IL1RAPL2: variants seen among roughly 807,000 people sequenced by gnomAD.
IL1RAPL2 encodes X-linked interleukin-1 receptor accessory protein-like 2.
A neutral mutation model predicts 44.1 loss-of-function variants in IL1RAPL2; 3 were observed. The observed-to-expected ratio is 0.07, with a 90% CI of 0.03 to 0.18. IL1RAPL2 has a LOEUF of 0.18. IL1RAPL2 is among the 10% of genes least tolerant of loss of function. IL1RAPL2 has a pLI of 1.00. For synonymous variants in IL1RAPL2, 181 were observed against 178.8 expected (o/e 1.01, Z -0.10); for missense variants, 391 against 496.4 (o/e 0.79, Z 2.02).
At chrX:105,416,955 T>C (rs1169833854) in intron 5 of IL1RAPL2, among the ~76,000 whole-genome samples, 1 of 112,434 alleles carries the variant, frequency 8.9e-6, no homozygotes, top group African/African-American at 3.2e-5. Context: ...TTTCATACTT[T>C]GTTCTTGTCC....
chrX:104,717,105 T>C lies in IL1RAPL2; in HGVS notation c.82+58110T>C, dbSNP rs188202508. Among the ~76,000 whole-genome samples, 115 of 111,691 alleles carry C rather than the reference T, an allele frequency of 1.0e-3. 3 individuals are homozygous for C. In the Admixed American group the frequency reaches 0.011, roughly 10 times the overall value. On this transcript the variant is annotated intron_variant, in intron 2 of 10. Coordinates refer to ENST00000372582, the MANE Select transcript of IL1RAPL2 (RefSeq NM_017416.2). ...TATGCAGCCATAAAAAACAAGATCA[T>C]TTCCTTTGCAGGGGCATGGATGCAG...
intron 5 of IL1RAPL2, among the ~76,000 whole-genome samples, chrX:105,416,383 C>T (rs908357474): frequency 2.7e-5 from 3 of 111,803 alleles, no homozygotes; most frequent in Non-Finnish European, 5.6e-5. Context: ...GTCTAATCAT[C>T]GCATCTCCAA....
chrX:104,855,635 G>C (rs1470082144), intron 2 of IL1RAPL2, among the ~76,000 whole-genome samples: 1 of 103,807 alleles, frequency 9.6e-6, no homozygotes, highest in African/African-American at 3.5e-5. Context: ...CTACCACTAT[G>C]GTACCTTGAG....
chrX:104,852,852 C>T (rs1009896344), intron 2 of IL1RAPL2, among the ~76,000 whole-genome samples: 3 of 111,756 alleles, frequency 2.7e-5, no homozygotes, highest in Non-Finnish European at 5.6e-5. Flanking sequence ...ACATAACCTT[C>T]CTGACTTATG....
chrX:104,690,347 TGTTCATATTGAAATGTTCC>T (rs1297945917), intron 2 of IL1RAPL2, among the ~76,000 whole-genome samples: 1 of 112,463 alleles, frequency 8.9e-6, no homozygotes. Context: ...TTGCTGAAGA[TGTTCATATTGAAATGTTCC>T]AAAAATATGC....
chrX:105,044,058 C>T (rs2031802015), intron 2 of IL1RAPL2, among the ~76,000 whole-genome samples: 1 of 111,329 alleles, frequency 9.0e-6, no homozygotes, highest in African/African-American at 3.3e-5. Flanking sequence ...AGTTGTAATG[C>T]TCAGGCCACT....
chrX:105,396,958 CA>C (rs1167248342), intron 5 of IL1RAPL2, among the ~76,000 whole-genome samples: 2 of 110,994 alleles, frequency 1.8e-5, no homozygotes, highest in Admixed American at 1.9e-4. Flanking sequence ...TGCTCCCCAT[CA>C]CTCATGTTAC....
chrX:105,202,712 A>C (rs1447886896), intron 3 of IL1RAPL2, among the ~76,000 whole-genome samples: 1 of 111,663 alleles, frequency 9.0e-6, no homozygotes, highest in Non-Finnish European at 1.9e-5. Context: ...CAATCATTAT[A>C]ATCACTCCCA....
chrX:104,925,559 T>C (rs765738028), intron 2 of IL1RAPL2, among the ~76,000 whole-genome samples: 28 of 112,343 alleles, frequency 2.5e-4, no homozygotes, highest in Admixed American at 4.7e-4. Flanking sequence ...ATGAAATCAA[T>C]AAATGTGATT....
At chrX:104,681,450 C>T (rs1480841124) in intron 2 of IL1RAPL2, among the ~76,000 whole-genome samples, 2 of 111,067 alleles carry the variant, frequency 1.8e-5, no homozygotes, top group African/African-American at 6.5e-5. Flanking sequence ...CTCTGAACAA[C>T]GTGAGAAAGA....
intron 2 of IL1RAPL2, among the ~76,000 whole-genome samples, chrX:104,760,181 C>A (rs888173282): frequency 4.5e-5 from 5 of 112,213 alleles, no homozygotes; most frequent in Non-Finnish European, 7.5e-5. Flanking sequence ...ATCCATTCAT[C>A]TGTTGATGGA....
At chrX:104,957,618 T>C (rs1298264413) in intron 2 of IL1RAPL2, among the ~76,000 whole-genome samples, 2 of 112,439 alleles carry the variant, frequency 1.8e-5, no homozygotes, top group East Asian at 5.6e-4. Flanking sequence ...AACTTGACTT[T>C]ATATTAGTTT....
chrX:104,907,109 T>C, intron 2 of IL1RAPL2, among the ~76,000 whole-genome samples: 1 of 110,443 alleles, frequency 9.1e-6, no homozygotes, highest in African/African-American at 3.3e-5. Flanking sequence ...TGTAGTATTC[T>C]CTGATGGTAG....
At chrX:105,322,191 A>G (rs1204044186) in intron 5 of IL1RAPL2, among the ~76,000 whole-genome samples, 1 of 112,828 alleles carries the variant, frequency 8.9e-6, no homozygotes, top group African/African-American at 3.2e-5. Flanking sequence ...TTATGTTGCC[A>G]TAAGACTTCT....
intron 2 of IL1RAPL2, among the ~76,000 whole-genome samples, chrX:104,908,245 G>T (rs775060200): frequency 8.9e-6 from 1 of 111,838 alleles, no homozygotes; most frequent in East Asian, 2.8e-4. Flanking sequence ...GATAGATCTT[G>T]ACTCTTTATC....
intron 2 of IL1RAPL2, among the ~76,000 whole-genome samples, chrX:105,108,116 C>G (rs1342896734): frequency 9.0e-6 from 1 of 111,376 alleles, no homozygotes; most frequent in Non-Finnish European, 1.9e-5. Flanking sequence ...AAATGGGCCC[C>G]AAATCCAGCT....
intron 5 of IL1RAPL2, among the ~76,000 whole-genome samples, chrX:105,422,112 C>G (rs2035777664): frequency 8.9e-6 from 1 of 111,848 alleles, no homozygotes; most frequent in East Asian, 2.8e-4. Flanking sequence ...TACAGTGCAG[C>G]AAGAATAACA....
At chrX:105,104,794 C>T (rs1472548665) in intron 2 of IL1RAPL2, among the ~76,000 whole-genome samples, 1 of 111,992 alleles carries the variant, frequency 8.9e-6, no homozygotes. Context: ...GGAAAAAATA[C>T]AGTAATAAAA....
chrX:105,228,897 C>A (rs2034042481), intron 3 of IL1RAPL2, among the ~76,000 whole-genome samples: 1 of 112,011 alleles, frequency 8.9e-6, no homozygotes, highest in Admixed American at 9.5e-5. Context: ...ACTTACCCTG[C>A]CCATTTTCCA....
Sources: gnomAD v4.1 joint callset for allele counts (sites outside exome capture counted in the v4.1 genomes callset) on GRCh38, gnomAD v4.1.1 for gene constraint, MANE v1.5 for transcripts, NCBI Gene and HGNC (gene_info 2026-07-23, HGNC 2026-07-21) for gene names.